RNF17: variants seen among roughly 807,000 people sequenced by gnomAD.
The protein encoded by RNF17 is spermatogenesis associated 23.
Under a neutral mutation model 200.5 loss-of-function variants are expected in RNF17, and 31 were observed. The observed-to-expected ratio is 0.15, with a 90% CI of 0.12 to 0.21. The LOEUF (loss-of-function observed/expected upper bound fraction) is 0.21. Ranked by LOEUF, RNF17 falls within the 10% of genes least tolerant of loss-of-function variation. RNF17 has a pLI of 1.00. For missense variants in RNF17, 1,628 were observed against 1,905.1 expected, an observed-to-expected ratio of 0.85 and a Z score of 2.71; for synonymous variants, 606 against 637.8, an observed-to-expected ratio of 0.95 and a Z score of 0.75.
intron 16 of RNF17, among the ~76,000 whole-genome samples, chr13:24,828,495 TC>T (rs1372258399): frequency 2.0e-5 from 3 of 152,134 alleles, no homozygotes; most frequent in African/African-American, 7.3e-5. Flanking sequence ...TTACTTGTGT[TC>T]CTTCTTCTAA....
the RNF17 span, among the ~76,000 whole-genome samples, chr13:24,757,975 G>C: frequency 3.3e-5 from 5 of 152,118 alleles, no homozygotes; most frequent in Non-Finnish European, 5.9e-5. Flanking sequence ...CCTCTTTGGT[G>C]CTGTCTCCTG....
At position 24,765,436 on chromosome 13, in the gene RNF17, T is replaced by C. The variant is rs77655663; in HGVS notation, c.130+1103T>C. On this transcript the variant is annotated intron_variant, in intron 1 of 35. Transcript: ENST00000255324. ...ATTACCTGGCGTAACTGTTTAATGT[T>C]TATACTTTCAAAGTTAAGGTCATTC... Among the ~76,000 whole-genome samples the C allele has an allele frequency of 3.2e-3, 495 of 152,332 alleles. 11 individuals carry two copies. The East Asian group carries it at 0.04, about 12-fold the overall frequency.
chr13:24,863,026 C>A (rs1893255410), intron 28 of RNF17, among the ~76,000 whole-genome samples: 1 of 152,106 alleles, frequency 6.6e-6, no homozygotes, highest in Admixed American at 6.5e-5. Context: ...TTGAAAGATT[C>A]TTTATTAACA....
intron 25 of RNF17, among the ~76,000 whole-genome samples, chr13:24,858,003 C>G (rs1892698277): frequency 6.6e-6 from 1 of 151,966 alleles, no homozygotes; most frequent in South Asian, 2.1e-4. Flanking sequence ...ATTCAGGTCC[C>G]TCATGAGATC....
At chr13:24,883,704 T>A (rs568753743), downstream of RNF17, among the ~76,000 whole-genome samples, 3 of 152,288 alleles carry the variant, frequency 2.0e-5, no homozygotes, top group East Asian at 5.8e-4. Flanking sequence ...CTGTATCAGG[T>A]GGGGAAGAGA....
chr13:24,827,767 A>G (rs1488664408), intron 16 of RNF17, among the ~76,000 whole-genome samples: 2 of 151,510 alleles, frequency 1.3e-5, no homozygotes, highest in African/African-American at 4.9e-5. Flanking sequence ...AGAGTCTAAA[A>G]AAGTCCAAGA....
chr13:24,769,222 T>C (rs1880300395), intron 2 of RNF17, among the ~76,000 whole-genome samples: 1 of 152,188 alleles, frequency 6.6e-6, no homozygotes, highest in Non-Finnish European at 1.5e-5. Flanking sequence ...TGATTTCACA[T>C]TTAATGTTCT....
intron 11 of RNF17, among the ~76,000 whole-genome samples, chr13:24,797,142 C>T (rs1325719998): frequency 6.6e-6 from 1 of 152,094 alleles, no homozygotes; most frequent in Non-Finnish European, 1.5e-5. Context: ...AAGTGTAGTA[C>T]TGAATTCAGT....
rs191633780 is a variant in RNF17 at position 24,846,710 on chromosome 13, T to G, written c.3101+1631T>G. On this transcript the variant is annotated intron_variant, in intron 22 of 35. Coordinates refer to ENST00000255324, the MANE Select transcript of RNF17 (RefSeq NM_031277.3). Reference sequence around the variant, plus strand: ...TAATAGCTGATGAGCTAAAAAAAATTGAAAAAAATCTCATAATGTTCTAAG... The same window carrying G: ...TAATAGCTGATGAGCTAAAAAAAATGGAAAAAAATCTCATAATGTTCTAAG... Among the ~76,000 whole-genome samples, 780 of 152,220 alleles carry G rather than the reference T, an allele frequency of 5.1e-3. 8 individuals carry two copies. The highest frequency in any genetic ancestry group is 6.0e-3 in the Non-Finnish European group (409 of 68,006).
intron 6 of RNF17, among the ~76,000 whole-genome samples, chr13:24,785,492 A>T (rs993626706): frequency 3.9e-5 from 6 of 152,200 alleles, no homozygotes; most frequent in Non-Finnish European, 5.9e-5. Flanking sequence ...TGAACATTAA[A>T]CATTAGTCAG....
At chr13:24,830,375 G>A in intron 16 of RNF17, 109 bp from the exon 17 acceptor site, 1 of 635,342 alleles carries the variant, frequency 1.6e-6, no homozygotes, top group South Asian at 2.1e-5. Flanking sequence ...TATTAAGTTT[G>A]TATATTGAAG....
At chr13:24,790,204 A>G (rs974196555) in intron 9 of RNF17, among the ~76,000 whole-genome samples, 3 of 152,166 alleles carry the variant, frequency 2.0e-5, no homozygotes, top group African/African-American at 7.2e-5. Context: ...CTTTTCCCTT[A>G]TCTATTAAAA....
downstream of RNF17, among the ~76,000 whole-genome samples, chr13:24,881,470 T>A (rs1316055158): frequency 2.0e-5 from 3 of 152,020 alleles, no homozygotes; most frequent in Admixed American, 2.0e-4. Flanking sequence ...GGTTTGTGTT[T>A]TTTGTCTCAT....
intron 28 of RNF17, among the ~76,000 whole-genome samples, chr13:24,864,560 C>T (rs79403500): frequency 3.3e-5 from 5 of 151,908 alleles, no homozygotes; most frequent in Admixed American, 2.6e-4. Flanking sequence ...TCTCTTTGTA[C>T]GTAGTGTAAT....
At chr13:24,828,067 T>TC in intron 16 of RNF17, among the ~76,000 whole-genome samples, 1 of 152,180 alleles carries the variant, frequency 6.6e-6, no homozygotes, top group Non-Finnish European at 1.5e-5. Flanking sequence ...CTGTATAGTT[T>TC]CGTAAATATC....
At position 24,793,266 on chromosome 13, in the gene RNF17, C is replaced by T; in HGVS notation, c.1160C>T (p.Pro387Leu). The T allele has an allele frequency of 1.9e-6, 3 of 1,613,986 alleles. No homozygotes were observed. Among genetic ancestry groups the T allele is most frequent in the Non-Finnish European group, 2.5e-6 (3 of 1,179,950 alleles). The change falls in exon 10 of 36, where the codon CCT becomes CTT. Residue 387 changes from proline (P) to leucine (L), a missense_variant. Physicochemically the swap from Pro to Leu is moderately conservative, Grantham distance 98 (BLOSUM62 -3). This residue lies in a region of RNF17 where 502 missense variants were observed against 501.7 expected (regional missense o/e 1.00). Coordinates refer to ENST00000255324, the MANE Select transcript of RNF17 (RefSeq NM_031277.3). ...CAGAAAGACGTTGCAACAGCATCCCCTAAAACCATTGCTGTGTTACCTCAG... is the reference window on the plus strand; with the variant it reads ...CAGAAAGACGTTGCAACAGCATCCCTTAAAACCATTGCTGTGTTACCTCAG... ...QPQKDVATAS[P>L]KTIAVLPQMG...
At chr13:24,801,598 G>A (rs1340270843) in intron 13 of RNF17, among the ~76,000 whole-genome samples, 1 of 152,086 alleles carries the variant, frequency 6.6e-6, no homozygotes, top group Non-Finnish European at 1.5e-5. Context: ...CACCAGTCTG[G>A]GTGACAGAGT....
chr13:24,791,536 C>G (rs1345662564), intron 9 of RNF17, among the ~76,000 whole-genome samples: 1 of 152,110 alleles, frequency 6.6e-6, no homozygotes, highest in East Asian at 1.9e-4. Flanking sequence ...AATGCTGAAA[C>G]TTAAGAGATC....
At chr13:24,831,763 T>C (rs1889439817) in intron 17 of RNF17, 95 bp from the exon 18 acceptor site, 7 of 1,075,606 alleles carry the variant, frequency 6.5e-6, no homozygotes, top group South Asian at 1.5e-5. Flanking sequence ...AATTCAAACA[T>C]AAAGATTAGT....
Sources: allele counts gnomAD v4.1 joint callset (sites outside exome capture counted in the v4.1 genomes callset), GRCh38; gene constraint gnomAD v4.1.1; regional missense constraint gnomAD v4.1.1; transcripts MANE v1.5; gene names NCBI Gene and HGNC (gene_info 2026-07-23, HGNC 2026-07-21).